Variants in MGMT observed in about 807,000 individuals in gnomAD.
MGMT encodes the protein methylated-DNA--protein-cysteine methyltransferase.
A neutral mutation model predicts 15.9 loss-of-function variants in MGMT; 14 were observed. The ratio of observed to expected loss-of-function variants is 0.88; its 90% CI spans 0.58 to 1.37. The LOEUF is 1.37. Ranked by LOEUF, MGMT falls within the 40% of genes most tolerant of loss-of-function variation. The pLI is 0.00. For missense variants in MGMT, 282 were observed against 268.1 expected (o/e 1.05, Z -0.36); for synonymous variants, 130 against 118.2 (o/e 1.10, Z -0.65).
intron 2 of MGMT, among the ~76,000 whole-genome samples, chr10:129,553,295 T>A (rs1056440631): frequency 6.6e-5 from 10 of 152,198 alleles, no homozygotes; most frequent in Non-Finnish European, 1.3e-4. Flanking sequence ...GATAGATGTA[T>A]CATTTTCACA....
intron 2 of MGMT, among the ~76,000 whole-genome samples, chr10:129,568,562 C>G (rs545506550): frequency 6.6e-6 from 1 of 152,300 alleles, no homozygotes; most frequent in South Asian, 2.1e-4. Context: ...TTCTGAGGTG[C>G]TTGGGAGACA....
chr10:129,737,308 C>T (rs1433910778), intron 3 of MGMT, among the ~76,000 whole-genome samples: 1 of 152,156 alleles, frequency 6.6e-6, no homozygotes, highest in African/African-American at 2.4e-5. Flanking sequence ...TTCATTTCAT[C>T]TTCCATCGCT....
chr10:129,730,983 G>A (rs140491752), intron 3 of MGMT, among the ~76,000 whole-genome samples: 88 of 152,270 alleles, frequency 5.8e-4, no homozygotes, highest in African/African-American at 1.9e-3. Flanking sequence ...GTATAAATAC[G>A]CCTCTGGGGG....
In MGMT at chr10:129,553,261, T is replaced by C. The variant is rs1201294381; in HGVS notation, c.125+16884T>C. On this transcript the variant is annotated intron_variant, in intron 2 of 4. Transcript: ENST00000651593. Reference sequence around the variant, plus strand: ...GGTAGAATTATTAATATTAGTGATATTACATTATGTTGAAGTGAAGTGAGA... The same window carrying C: ...GGTAGAATTATTAATATTAGTGATACTACATTATGTTGAAGTGAAGTGAGA... Among the ~76,000 whole-genome samples, 3 of 152,324 alleles carry C rather than the reference T, an allele frequency of 2.0e-5. No homozygotes were observed. In the East Asian group the frequency reaches 5.8e-4, roughly 29 times the overall value.
intron 3 of MGMT, among the ~76,000 whole-genome samples, chr10:129,709,655 G>A (rs1420393324): frequency 6.6e-6 from 1 of 152,102 alleles, no homozygotes; most frequent in Non-Finnish European, 1.5e-5. Context: ...GAGGCTGGGA[G>A]AATGAGCCTG....
At chr10:129,692,682 A>T (rs182619806) in intron 2 of MGMT, among the ~76,000 whole-genome samples, 199 of 152,316 alleles carry the variant, frequency 1.3e-3, no homozygotes, top group African/African-American at 4.5e-3. Context: ...CAGCGTGGCC[A>T]TGGCATCTGG....
chr10:129,530,622 C>A (rs745729094), intron 1 of MGMT, among the ~76,000 whole-genome samples: 7 of 152,218 alleles, frequency 4.6e-5, no homozygotes, highest in Non-Finnish European at 1.0e-4. Context: ...GGTTCTGGAC[C>A]AGTCTTGACA....
intron 2 of MGMT, among the ~76,000 whole-genome samples, chr10:129,653,720 GGA>G (rs1847490565): frequency 6.6e-6 from 1 of 152,230 alleles, no homozygotes; most frequent in Non-Finnish European, 1.5e-5. Flanking sequence ...GGAGCCGAAT[GGA>G]CAGGCCTCAG....
chr10:129,731,402 G>A (rs1365314772), intron 3 of MGMT, among the ~76,000 whole-genome samples: 3 of 112,862 alleles, frequency 2.7e-5, no homozygotes, highest in Admixed American at 1.3e-4. Context: ...TCGCTCTGTT[G>A]CCCAAGCTTG....
At chr10:129,739,106 G>A (rs1055042769) in intron 3 of MGMT, among the ~76,000 whole-genome samples, 5 of 152,080 alleles carry the variant, frequency 3.3e-5, no homozygotes, top group Non-Finnish European at 7.4e-5. Context: ...ATTCAGCAGC[G>A]CTTCATGCTA....
intron 1 of MGMT, among the ~76,000 whole-genome samples, chr10:129,515,750 G>A (rs1171588085): frequency 2.0e-5 from 3 of 152,154 alleles, no homozygotes; most frequent in Non-Finnish European, 2.9e-5. Context: ...CTGCATACAG[G>A]TGGGCCTGTG....
intron 1 of MGMT, 129 bp from the exon 2 acceptor site, chr10:129,536,112 T>G: frequency 9.1e-7 from 1 of 1,097,328 alleles, no homozygotes; most frequent in Non-Finnish European, 1.3e-6. Context: ...ATGCATCGTA[T>G]AATTCCAAAA....
intron 2 of MGMT, among the ~76,000 whole-genome samples, chr10:129,602,668 GGTGAGTGCGCCCCAC>G (rs1415996385): frequency 6.6e-6 from 1 of 152,138 alleles, no homozygotes; most frequent in African/African-American, 2.4e-5. Context: ...GAAAAGGAAT[GGTGAGTGCGCCCCAC>G]GTGCCTGGGT....
chr10:129,759,598 A>G (rs1297636660), intron 4 of MGMT, among the ~76,000 whole-genome samples: 18 of 152,148 alleles, frequency 1.2e-4, no homozygotes, highest in Non-Finnish European at 1.9e-4. Context: ...CACAGTGAGC[A>G]GGAGAGGAGG....
intron 2 of MGMT, among the ~76,000 whole-genome samples, chr10:129,594,759 T>TAA (rs1449376069): frequency 2.0e-5 from 3 of 152,194 alleles, no homozygotes; most frequent in African/African-American, 7.2e-5. Flanking sequence ...CTACCACAGA[T>TAA]ACTGTCCCCA....
chr10:129,605,471 A>G (rs951153058), intron 2 of MGMT, among the ~76,000 whole-genome samples: 1 of 152,130 alleles, frequency 6.6e-6, no homozygotes, highest in East Asian at 1.9e-4. Flanking sequence ...GAGTTCACTT[A>G]TTCATATTGT....
chr10:129,657,707 G>GCACACACACACACACACACACACA (rs57838117), intron 2 of MGMT, among the ~76,000 whole-genome samples: 1 of 111,470 alleles, frequency 9.0e-6, no homozygotes, highest in African/African-American at 3.3e-5. Context: ...ACACACACAC[G>GCACACACACACACACACACACACA]CACACACACA....
intron 2 of MGMT, among the ~76,000 whole-genome samples, chr10:129,673,016 C>T (rs1423760782): frequency 6.6e-6 from 1 of 152,154 alleles, no homozygotes; most frequent in Non-Finnish European, 1.5e-5. Context: ...AGGGCTGTGG[C>T]TCTTTTGAGG....
At chr10:129,545,000 G>C (rs1277749816) in intron 2 of MGMT, among the ~76,000 whole-genome samples, 4 of 152,206 alleles carry the variant, frequency 2.6e-5, no homozygotes, top group Non-Finnish European at 5.9e-5. Context: ...CTGTGGAATA[G>C]CCCCTGCTTC....
Sources: gnomAD v4.1 joint callset for allele counts (sites outside exome capture counted in the v4.1 genomes callset) on GRCh38, gnomAD v4.1.1 for gene constraint, MANE v1.5 for transcripts, NCBI Gene and HGNC (gene_info 2026-07-23, HGNC 2026-07-21) for gene names.